Variants in SNTB1 observed in about 807,000 individuals in gnomAD.
SNTB1 encodes syntrophin beta 1.
A neutral mutation model predicts 48.9 loss-of-function variants in SNTB1; 36 were observed. That is an observed-to-expected ratio of 0.74 (90% CI 0.56 to 0.97). SNTB1 has a LOEUF of 0.97. SNTB1 is among the 50% of genes least tolerant of loss of function. The pLI is 0.00. For missense variants in SNTB1, 786 were observed against 703.4 expected (o/e 1.12, Z -1.33); for synonymous variants, 299 against 294.6 (o/e 1.01, Z -0.15).
chr8:120,663,901 T>C (rs765687222), intron 2 of SNTB1, among the ~76,000 whole-genome samples: 1 of 152,218 alleles, frequency 6.6e-6, no homozygotes, highest in Non-Finnish European at 1.5e-5. Flanking sequence ...CATTCTATTA[T>C]GACAGTTTTA....
At chr8:120,594,684 T>G (rs993142251) in intron 3 of SNTB1, among the ~76,000 whole-genome samples, 4 of 152,170 alleles carry the variant, frequency 2.6e-5, no homozygotes, top group Admixed American at 2.0e-4. Flanking sequence ...GCTCATGTCT[T>G]AATGTATAAA....
At chr8:120,768,329 G>C (rs1483215837) in intron 1 of SNTB1, among the ~76,000 whole-genome samples, 3 of 152,184 alleles carry the variant, frequency 2.0e-5, no homozygotes, top group Non-Finnish European at 4.4e-5. Flanking sequence ...TTGGTGCATG[G>C]CAGCCCATAT....
intron 1 of SNTB1, among the ~76,000 whole-genome samples, chr8:120,701,994 T>C (rs1224203999): frequency 6.6e-6 from 1 of 152,242 alleles, no homozygotes; most frequent in Non-Finnish European, 1.5e-5. Context: ...AGATAATTGA[T>C]GCCAAAGTAA....
chr8:120,651,460 G>T (rs560741811), intron 2 of SNTB1, among the ~76,000 whole-genome samples: 1 of 152,162 alleles, frequency 6.6e-6, no homozygotes, highest in Admixed American at 6.6e-5. Flanking sequence ...GAGAGTTGTG[G>T]CCGTAACTAG....
At chr8:120,634,876 G>T (rs1219920397) in intron 2 of SNTB1, among the ~76,000 whole-genome samples, 1 of 150,072 alleles carries the variant, frequency 6.7e-6, no homozygotes, top group Non-Finnish European at 1.5e-5. Context: ...TTTTGAGACG[G>T]AGTCTCGCTC....
At chr8:120,704,674 A>G (rs1290726268) in intron 1 of SNTB1, among the ~76,000 whole-genome samples, 1 of 152,160 alleles carries the variant, frequency 6.6e-6, no homozygotes, top group Non-Finnish European at 1.5e-5. Context: ...GCGATGGCTG[A>G]ATCTAATAGA....
At chr8:120,773,139 C>T (rs551064376) in intron 1 of SNTB1, among the ~76,000 whole-genome samples, 3 of 152,100 alleles carry the variant, frequency 2.0e-5, no homozygotes, top group Non-Finnish European at 4.4e-5. Flanking sequence ...GCAACTGGAA[C>T]TGAGATTTAA....
At chr8:120,753,207 T>C (rs767903623) in intron 1 of SNTB1, among the ~76,000 whole-genome samples, 1 of 152,042 alleles carries the variant, frequency 6.6e-6, no homozygotes, top group Non-Finnish European at 1.5e-5. Context: ...ACTCATATAA[T>C]ACACACCAAG....
intron 3 of SNTB1, among the ~76,000 whole-genome samples, chr8:120,585,386 T>C (rs1816123039): frequency 6.6e-6 from 1 of 152,202 alleles, no homozygotes; most frequent in Non-Finnish European, 1.5e-5. Flanking sequence ...TGTCGTTCTT[T>C]CCTGCCTCCT....
At chr8:120,730,342 T>C (rs1005435358) in intron 1 of SNTB1, among the ~76,000 whole-genome samples, 23 of 152,032 alleles carry the variant, frequency 1.5e-4, no homozygotes, top group Non-Finnish European at 2.9e-5. Context: ...GCATTTTTAG[T>C]ATTTTTGTAG....
At chr8:120,724,124 C>T (rs1025962629) in intron 1 of SNTB1, among the ~76,000 whole-genome samples, 6 of 152,212 alleles carry the variant, frequency 3.9e-5, no homozygotes, top group Admixed American at 2.0e-4. Context: ...GAGCAGAAGG[C>T]TTTGGAGGTG....
chr8:120,567,098 C>A (rs944701305), intron 4 of SNTB1, among the ~76,000 whole-genome samples: 12 of 152,178 alleles, frequency 7.9e-5, no homozygotes, highest in Non-Finnish European at 1.8e-4. Flanking sequence ...TGGTAAGTAA[C>A]TTAACTACTC....
At chr8:120,615,111 A>G (rs1283464224) in intron 3 of SNTB1, among the ~76,000 whole-genome samples, 1 of 152,050 alleles carries the variant, frequency 6.6e-6, no homozygotes, top group Non-Finnish European at 1.5e-5. Flanking sequence ...AGATTGCGCC[A>G]CTGCACTCCA....
At chr8:120,716,133 C>G (rs891610845) in intron 1 of SNTB1, among the ~76,000 whole-genome samples, 14 of 152,028 alleles carry the variant, frequency 9.2e-5, no homozygotes, top group African/African-American at 3.4e-4. Flanking sequence ...AGGGCTGAGC[C>G]CATAGTTGGT....
chr8:120,758,791 C>T (rs965312601), intron 1 of SNTB1, among the ~76,000 whole-genome samples: 1 of 152,128 alleles, frequency 6.6e-6, no homozygotes, highest in Non-Finnish European at 1.5e-5. Flanking sequence ...GAGTGGTCAC[C>T]TAACTTTCCT....
rs375374007 is a variant in SNTB1, at chr8:120,682,016, T to TA, written c.788+11675dup. ...ACATCCAAAAAAGAACAAAATTCTA[T>TA]AAAAAAATTCAGAAAACAAAAAGCT... On this transcript the variant is annotated intron_variant, in intron 2 of 6. Coordinates refer to ENST00000517992, the MANE Select transcript of SNTB1 (RefSeq NM_021021.4). 6.0e-3 allele frequency among the ~76,000 whole-genome samples: 900 copies of TA among 150,570 alleles called. 8 individuals carry two copies. The highest frequency in any genetic ancestry group is 0.021 in the African/African-American group (865 of 40,948).
rs200089872 is a variant in SNTB1, at chr8:120,811,351, C to G, written c.493G>C (p.Gly165Arg). The G allele has an allele frequency of 3.8e-5, 62 of 1,613,252 alleles. 1 individual carries two copies. Among genetic ancestry groups the G allele is most frequent in the Non-Finnish European group, 3.0e-5 (35 of 1,179,918 alleles). The change falls in exon 1 of 7, where the codon GGA becomes CGA. Residue 165 changes from glycine to arginine, a missense_variant. Coordinates refer to ENST00000517992, the MANE Select transcript of SNTB1 (RefSeq NM_021021.4). ...YVGDAILSVN[G>R]ADLRDATHDE... ...TGGGTGGCGTCCCGCAGGTCGGCTC[C>G]GTTCACGGACAGGATGGCGTCGCCC... is the stretch of plus-strand genomic sequence containing the variant.
At chr8:120,646,092 C>A (rs1291021642) in intron 2 of SNTB1, among the ~76,000 whole-genome samples, 5 of 147,442 alleles carry the variant, frequency 3.4e-5, no homozygotes, top group Non-Finnish European at 1.5e-5. Context: ...TCTAGATATA[C>A]AATCATGTCG....
intron 4 of SNTB1, among the ~76,000 whole-genome samples, chr8:120,567,506 G>A (rs1354402417): frequency 6.7e-6 from 1 of 148,258 alleles, no homozygotes; most frequent in Non-Finnish European, 1.5e-5. Flanking sequence ...TTGCAACCTT[G>A]ATCTCCTGGG....
Sources: gnomAD v4.1 joint callset for allele counts (sites outside exome capture counted in the v4.1 genomes callset) on GRCh38, gnomAD v4.1.1 for gene constraint, MANE v1.5 for transcripts, NCBI Gene and HGNC (gene_info 2026-07-23, HGNC 2026-07-21) for gene names.